NAV1: variants seen among roughly 807,000 people sequenced by gnomAD.
NAV1 encodes pore membrane and/or filament interacting like protein 3.
NAV1 carries 18 observed loss-of-function variants against 175.2 expected under a neutral mutation model. The ratio of observed to expected loss-of-function variants is 0.10; its 90% CI spans 0.07 to 0.15. The LOEUF is 0.15. NAV1 is among the 10% of genes least tolerant of loss of function. The pLI is 1.00. For missense variants in NAV1, 1,731 were observed against 2,436.6 expected, an observed-to-expected ratio of 0.71 and a Z score of 6.10; for synonymous variants, 897 against 978.7, an observed-to-expected ratio of 0.92 and a Z score of 1.56.
exon 30 of NAV1, chr1:201,820,977 C>G (rs1438665421): frequency 2.0e-5 from 3 of 152,078 alleles, no homozygotes; most frequent in Non-Finnish European, 4.4e-5. Flanking sequence ...CTTTGGCATC[C>G]ATGGGGCTTA....
chr1:201,707,929 G>A (rs749990401), intron 1 of NAV1, among the ~76,000 whole-genome samples: 1 of 152,220 alleles, frequency 6.6e-6, no homozygotes, highest in African/African-American at 2.4e-5. Context: ...GTAGTGGAAA[G>A]AACAAGGGCT....
At chr1:201,763,942 A>G (rs1675023263) in intron 3 of NAV1, among the ~76,000 whole-genome samples, 3 of 152,250 alleles carry the variant, frequency 2.0e-5, no homozygotes, top group Admixed American at 2.0e-4. Flanking sequence ...CATCACAGAA[A>G]GATGGAATTT....
chr1:201,555,747 A>G (rs1665990825), intron 1 of NAV1, among the ~76,000 whole-genome samples: 1 of 151,612 alleles, frequency 6.6e-6, no homozygotes, highest in South Asian at 2.1e-4. Context: ...ACAGCGGCCT[A>G]ATGGAGGCAG....
chr1:201,576,073 T>C (rs536143881), intron 1 of NAV1, among the ~76,000 whole-genome samples: 59 of 152,326 alleles, frequency 3.9e-4, no homozygotes, highest in African/African-American at 1.4e-3. Flanking sequence ...ACTACCAGGA[T>C]ATTGGCCCGG....
chr1:201,573,113 A>C (rs2102177001), intron 1 of NAV1, among the ~76,000 whole-genome samples: 1 of 152,358 alleles, frequency 6.6e-6, no homozygotes, highest in Non-Finnish European at 1.5e-5. Flanking sequence ...ATTTGTGTTG[A>C]TCAAGCTCAG....
In NAV1 at chr1:201,787,600, C is replaced by A; in HGVS notation, c.2996-868C>A. 1 of 453,608 alleles carries A rather than the reference C, an allele frequency of 2.2e-6. No homozygotes were observed. The highest frequency in any genetic ancestry group is 4.4e-6 in the Non-Finnish European group (1 of 225,532). 28.1% of individuals were successfully genotyped at this position (453,608 alleles called of 1,614,324 possible). A position where few individuals can be genotyped will look rare whatever the true frequency, so the allele number is the denominator to read the frequency against. On this transcript the variant is annotated intron_variant, in intron 9 of 29. Coordinates refer to ENST00000367296, the Ensembl canonical transcript of NAV1. The surrounding 1 kb of genome is among the most constrained non-coding windows in gnomAD (Gnocchi z 4.3). ...GAGGGGCTGGGCTAAGCAATAATTA[C>A]CTCAGGAATTTGAAAAGGTCAACAG...
rs371993583 is a variant in NAV1 at position 201,784,829 on chromosome 1, C to T, written c.2805-481C>T. 7.9e-5 allele frequency among the ~76,000 whole-genome samples: 12 copies of T among 151,954 alleles called. No individual in the cohort carries two copies. The East Asian group carries it at 1.5e-3, about 20-fold the overall frequency. On this transcript the variant is annotated intron_variant, in intron 7 of 29. Coordinates refer to ENST00000367296, the Ensembl canonical transcript of NAV1. Reference sequence around the variant, plus strand: ...TCGCCCAGGCTGGAGTGCAGTGGCGCGATCTTGGCTCACTTGCAAGTTCCA... The same window carrying T: ...TCGCCCAGGCTGGAGTGCAGTGGCGTGATCTTGGCTCACTTGCAAGTTCCA...
chr1:201,611,489 C>T (rs556978183), intron 2 of NAV1, among the ~76,000 whole-genome samples: 32 of 152,284 alleles, frequency 2.1e-4, no homozygotes, highest in East Asian at 9.6e-4. Context: ...GGAAACACTG[C>T]GGCCTTATGC....
chr1:201,660,428 G>A (rs1215245163), intron 1 of NAV1, among the ~76,000 whole-genome samples: 1 of 152,158 alleles, frequency 6.6e-6, no homozygotes, highest in South Asian at 2.1e-4. Flanking sequence ...GAGCACCAGC[G>A]TCAGGCCTCC....
intron 1 of NAV1, among the ~76,000 whole-genome samples, chr1:201,582,112 C>T (rs866469178): frequency 2.0e-5 from 3 of 152,174 alleles, no homozygotes; most frequent in Middle Eastern, 3.4e-3. Flanking sequence ...ACAAACAGAC[C>T]AGGAACAGAG....
At chr1:201,713,007 C>T in intron 2 of NAV1, 88 bp downstream of exon 6, 1 of 927,122 alleles carries the variant, frequency 1.1e-6, no homozygotes, top group South Asian at 1.4e-5. Flanking sequence ...GGTCCCTCCA[C>T]ACCTCTGCCA....
intron 3 of NAV1, among the ~76,000 whole-genome samples, chr1:201,754,171 T>C (rs1674309028): frequency 6.6e-6 from 1 of 152,184 alleles, no homozygotes; most frequent in African/African-American, 2.4e-5. Flanking sequence ...ATCTACTCTG[T>C]GCCAGACCCT....
intron 1 of NAV1, among the ~76,000 whole-genome samples, chr1:201,573,500 G>A (rs1666607191): frequency 6.6e-6 from 1 of 152,148 alleles, no homozygotes; most frequent in Non-Finnish European, 1.5e-5. Flanking sequence ...AGTTCTTCCT[G>A]ACAGAGAGCT....
chr1:201,751,860 G>A (rs750873312), intron 3 of NAV1, among the ~76,000 whole-genome samples: 3 of 152,190 alleles, frequency 2.0e-5, no homozygotes, highest in Admixed American at 1.3e-4. Context: ...TGTTTCTCTG[G>A]AATAAGATCT....
chr1:201,605,438 G>T (rs1396718898), intron 2 of NAV1, among the ~76,000 whole-genome samples: 2 of 152,152 alleles, frequency 1.3e-5, no homozygotes, highest in Non-Finnish European at 2.9e-5. Context: ...GCAATAATTT[G>T]CTCACTCTCA....
chr1:201,564,159 AAGGCAGGC>A (rs934292327), intron 1 of NAV1, among the ~76,000 whole-genome samples: 105 of 150,496 alleles, frequency 7.0e-4, no homozygotes, highest in African/African-American at 2.0e-3. Flanking sequence ...GGAAGGAAGG[AAGGCAGGC>A]AGGCAGGCAG....
At chr1:201,591,716 A>T (rs1311182826) in intron 2 of NAV1, among the ~76,000 whole-genome samples, 1 of 152,086 alleles carries the variant, frequency 6.6e-6, no homozygotes, top group Admixed American at 6.5e-5. Flanking sequence ...TGCTGCTTGC[A>T]TCTCCCTCTC....
chr1:201,753,025 T>C (rs1251222912), intron 3 of NAV1, among the ~76,000 whole-genome samples: 1 of 152,130 alleles, frequency 6.6e-6, no homozygotes, highest in Non-Finnish European at 1.5e-5. Context: ...GGGGCTCAAA[T>C]TAAAGGTTAC....
At chr1:201,662,438 G>A (rs547546314) in intron 1 of NAV1, among the ~76,000 whole-genome samples, 130 of 152,362 alleles carry the variant, frequency 8.5e-4, no homozygotes, top group African/African-American at 3.0e-3. Flanking sequence ...AGACTCTGGT[G>A]TCTGGCCTTG....
Sources: gnomAD v4.1 joint callset for allele counts (sites outside exome capture counted in the v4.1 genomes callset) on GRCh38, gnomAD v4.1.1 for gene constraint, Gnocchi (gnomAD v3.1) non-coding constraint, MANE v1.5 for transcripts, NCBI Gene and HGNC (gene_info 2026-07-23, HGNC 2026-07-21) for gene names.